ESRRB: variants seen among roughly 807,000 people sequenced by gnomAD.
ESRRB encodes the protein steroid hormone receptor ERR2.
ESRRB carries 16 observed loss-of-function variants against 46.0 expected under a neutral mutation model. That is an observed-to-expected ratio of 0.35 (90% CI 0.24 to 0.53). The LOEUF is 0.53. ESRRB is among the 20% of genes least tolerant of loss of function. The probability of loss-of-function intolerance (pLI) is 0.93; values close to 1 mark genes in which losing one functional copy is unlikely to be tolerated. For synonymous variants in ESRRB, 246 were observed against 259.6 expected (o/e 0.95, Z 0.50); for missense variants, 488 against 607.4 (o/e 0.80, Z 2.07).
chr14:76,353,836 G>A (rs1375967638), intron 1 of ESRRB, among the ~76,000 whole-genome samples: 1 of 152,052 alleles, frequency 6.6e-6, no homozygotes, highest in Non-Finnish European at 1.5e-5. Flanking sequence ...GTGGTGGTGT[G>A]TACTTGTGGT....
chr14:76,393,208 G>C (rs1448790098), intron 1 of ESRRB, among the ~76,000 whole-genome samples: 1 of 152,162 alleles, frequency 6.6e-6, no homozygotes, highest in Non-Finnish European at 1.5e-5. Flanking sequence ...GTTCTCGCAG[G>C]AGACCCTGTA....
chr14:76,476,531 T>G (rs1889591090), intron 3 of ESRRB, among the ~76,000 whole-genome samples: 1 of 152,212 alleles, frequency 6.6e-6, no homozygotes, highest in South Asian at 2.1e-4. Context: ...TATTTCCAGT[T>G]AGTGTTTGTA....
chr14:76,479,233 G>GTGTA (rs1395314435), intron 3 of ESRRB, among the ~76,000 whole-genome samples: 1 of 117,066 alleles, frequency 8.5e-6, no homozygotes, highest in African/African-American at 3.6e-5. Flanking sequence ...GTGTGTGTGT[G>GTGTA]TACGTGTGCA....
At chr14:76,345,054 A>C (rs1884233942) in intron 1 of ESRRB, among the ~76,000 whole-genome samples, 1 of 152,200 alleles carries the variant, frequency 6.6e-6, no homozygotes, top group African/African-American at 2.4e-5. Context: ...ATCTTTTTCA[A>C]ATAATGACTT....
chr14:76,310,978 TTCTCTCTCTCTCTC>T lies in ESRRB; in HGVS notation c.2+91_2+104del, dbSNP rs68079657. On this transcript the variant is annotated intron_variant, in intron 1 of 6. Coordinates refer to the ESRRB transcript ENST00000512784. ...CTCTGCGGGTCCTTTTCTGTCCCCT[TTCTCTCTCTCTCTC>T]TCTCTCTCTCTCTCTCTCTCTCTCT... The T allele has an allele frequency of 9.4e-3, 3,419 of 362,426 alleles. 77 individuals carry two copies. The highest frequency in any genetic ancestry group is 0.072 in the African/African-American group (2,617 of 36,170). The allele number at this position is 362,426 out of a possible 1,614,324, so 22.5% of individuals were successfully genotyped here.
chr14:76,468,255 T>C (rs1889206634), intron 3 of ESRRB, among the ~76,000 whole-genome samples: 1 of 152,212 alleles, frequency 6.6e-6, no homozygotes, highest in Admixed American at 6.5e-5. Context: ...AAAAATTCTT[T>C]TTCTTTTCCA....
upstream of ESRRB, among the ~76,000 whole-genome samples, chr14:76,372,926 T>C (rs1385870102): frequency 6.6e-6 from 1 of 152,232 alleles, no homozygotes; most frequent in East Asian, 1.9e-4. Context: ...CTTTGCCAGA[T>C]ATTCTCTGTG....
intron 2 of ESRRB, among the ~76,000 whole-genome samples, chr14:76,460,208 T>C (rs2139985565): frequency 6.6e-6 from 1 of 152,300 alleles, no homozygotes; most frequent in Middle Eastern, 3.4e-3. Context: ...CCTTCTCCCC[T>C]ACTACCCACC....
intron 2 of ESRRB, 68 bp downstream of exon 2, chr14:76,439,818 AGAAGCCCTAG>A: frequency 6.5e-7 from 1 of 1,546,070 alleles, no homozygotes; most frequent in Non-Finnish European, 8.8e-7. Flanking sequence ...CGGGTCTGGC[AGAAGCCCTAG>A]GAATTCCCAG....
chr14:76,419,863 C>T (rs1032176323), intron 1 of ESRRB, among the ~76,000 whole-genome samples: 5 of 151,980 alleles, frequency 3.3e-5, no homozygotes, highest in Non-Finnish European at 7.4e-5. Context: ...CTGAGCTGCC[C>T]GGCAGAGGGG....
intron 5 of ESRRB, among the ~76,000 whole-genome samples, chr14:76,487,849 C>T (rs1419799741): frequency 6.6e-6 from 1 of 152,182 alleles, no homozygotes; most frequent in Non-Finnish European, 1.5e-5. Flanking sequence ...TGTGATCCTC[C>T]CACCTCAGCC....
rs115416315 is a variant in ESRRB, at chr14:76,394,378, G to A, written c.50+17927G>A. ...TCTGACTGCCCACTATGAGCCAGGC[G>A]CTGTGCAAAGTGCATCTTGTGGCTA... On this transcript the variant is annotated intron_variant, in intron 1 of 6. Coordinates refer to ENST00000644823, the MANE Select transcript of ESRRB (RefSeq NM_001379180.1). Among the ~76,000 whole-genome samples the A allele has an allele frequency of 6.3e-3, 953 of 152,266 alleles. 8 individuals carry two copies. Among genetic ancestry groups the A allele is most frequent in the African/African-American group, 0.022 (906 of 41,546 alleles).
chr14:76,476,827 C>T (rs922358272), intron 3 of ESRRB, among the ~76,000 whole-genome samples: 4 of 152,222 alleles, frequency 2.6e-5, no homozygotes, highest in African/African-American at 9.6e-5. Flanking sequence ...CACCTGTAGG[C>T]TTCACCTTCC....
chr14:76,454,160 GAGAA>G (rs1555399215), intron 2 of ESRRB, among the ~76,000 whole-genome samples: 1 of 152,140 alleles, frequency 6.6e-6, no homozygotes, highest in Non-Finnish European at 1.5e-5. Context: ...GGACCAGGAG[GAGAA>G]AGACCAAGAG....
chr14:76,370,908 G>A (rs1257735434), upstream of ESRRB, among the ~76,000 whole-genome samples: 3 of 152,216 alleles, frequency 2.0e-5, no homozygotes, highest in South Asian at 4.1e-4. Flanking sequence ...CTGTGGTGGT[G>A]AGAATGGATC....
intron 1 of ESRRB, among the ~76,000 whole-genome samples, chr14:76,365,862 C>T (rs1328855498): frequency 6.6e-6 from 1 of 152,150 alleles, no homozygotes; most frequent in African/African-American, 2.4e-5. Flanking sequence ...AACACTCTGA[C>T]TTTTAGTCGG....
intron 1 of ESRRB, among the ~76,000 whole-genome samples, chr14:76,377,631 T>C (rs1884831845): frequency 6.6e-6 from 1 of 152,198 alleles, no homozygotes; most frequent in Non-Finnish European, 1.5e-5. Context: ...GTTTCTCCAG[T>C]TCCACCGTGC....
At chr14:76,484,980 T>C (rs1267583947) in intron 5 of ESRRB, among the ~76,000 whole-genome samples, 2 of 152,196 alleles carry the variant, frequency 1.3e-5, no homozygotes, top group African/African-American at 2.4e-5. Context: ...TAGTTGCTAA[T>C]AGTAATAAAA....
chr14:76,369,548 A>G (rs1359355369), upstream of ESRRB, among the ~76,000 whole-genome samples: 1 of 152,140 alleles, frequency 6.6e-6, no homozygotes, highest in Non-Finnish European at 1.5e-5. Context: ...TGCTGGGATT[A>G]TAGGCACGAG....
Sources: allele counts gnomAD v4.1 joint callset (sites outside exome capture counted in the v4.1 genomes callset), GRCh38; gene constraint gnomAD v4.1.1; transcripts MANE v1.5; gene names NCBI Gene and HGNC (gene_info 2026-07-23, HGNC 2026-07-21).